The following ZAR1L variants were observed in gnomAD, a reference collection of about 807,000 sequenced individuals.
ZAR1L encodes zygote arrest 1 like.
A neutral mutation model predicts 30.0 loss-of-function variants in ZAR1L; 16 were observed. The ratio of observed to expected loss-of-function variants is 0.53; its 90% confidence interval spans 0.36 to 0.81. The LOEUF (loss-of-function observed/expected upper bound fraction) is 0.81, where lower values mean the gene tolerates loss of function less well. Among genes scored for constraint, ZAR1L ranks in the 30% least tolerant of loss-of-function variants. The pLI is 0.00. For synonymous variants in ZAR1L, 197 were observed against 166.8 expected (o/e 1.18, Z -1.40); for missense variants, 392 against 417.2 (o/e 0.94, Z 0.53).
intron 5 of ZAR1L, 120 bp from the exon 6 acceptor site, chr13:32,304,142 C>T: frequency 9.3e-7 from 1 of 1,073,788 alleles, no homozygotes; most frequent in South Asian, 1.9e-5. Context: ...CCTCTGAGTC[C>T]TACGAGAAGG....
At chr13:32,313,393 T>C (rs367234) in intron 2 of ZAR1L, among the ~76,000 whole-genome samples, 83,173 of 151,930 alleles carry the variant, frequency 0.55, 23,052 homozygotes, top group East Asian at 0.64. Context: ...AAATGGAGTT[T>C]CCTTGCTCTG....
chr13:32,303,958 T>C lies in ZAR1L; in HGVS notation c.887A>G (p.His296Arg). The change falls in exon 6 of 6, where the codon CAT becomes CGT. Residue 296 changes from histidine to arginine, a missense_variant. Physicochemically the swap from His to Arg is conservative, Grantham distance 29 (BLOSUM62 0). Coordinates refer to ENST00000533490, the MANE Select transcript of ZAR1L (RefSeq NM_001136571.2). Reference protein sequence around the residue: ...KKRHIDLRRPHRQELCGRCKD... With the variant: ...KKRHIDLRRPRRQELCGRCKD... ...GCAGCGACCACACAGTTCCTGTCGATGAGGCCTCCTTAGATCAATGTGTCT... is the reference window on the plus strand; with the variant it reads ...GCAGCGACCACACAGTTCCTGTCGACGAGGCCTCCTTAGATCAATGTGTCT... 1 of 1,552,104 alleles carries C rather than the reference T, an allele frequency of 6.4e-7. No homozygotes were observed. Among genetic ancestry groups the C allele is most frequent in the Non-Finnish European group, 8.7e-7 (1 of 1,147,080 alleles).
At chr13:32,313,142 C>A (rs1044941693) in intron 2 of ZAR1L, among the ~76,000 whole-genome samples, 2 of 152,120 alleles carry the variant, frequency 1.3e-5, no homozygotes, top group Non-Finnish European at 2.9e-5. Flanking sequence ...GTCTAGAGAT[C>A]TAATTTACAG....
chr13:32,310,519 G>A, intron 4 of ZAR1L, 120 bp downstream of exon 4: 1 of 703,958 alleles, frequency 1.4e-6, no homozygotes, highest in South Asian at 1.8e-5. Context: ...CTGGCACGGG[G>A]GATGCCACCA....
chr13:32,307,442 T>C (rs984035189), intron 5 of ZAR1L, among the ~76,000 whole-genome samples: 1 of 125,784 alleles, frequency 8.0e-6, no homozygotes, highest in Non-Finnish European at 1.5e-5. Flanking sequence ...GAGCTTGTAG[T>C]GAACCAAGAT....
At position 32,312,004 on chromosome 13, in the gene ZAR1L, G is replaced by T; in HGVS notation, c.-79C>A. The T allele has an allele frequency of 7.1e-7, 1 of 1,411,614 alleles. No individual in the cohort carries two copies. The highest frequency in any genetic ancestry group is 9.4e-7 in the Non-Finnish European group (1 of 1,063,836). 87.4% of individuals were successfully genotyped at this position (1,411,614 alleles called of 1,614,324 possible). On this transcript the variant is annotated 5_prime_UTR_variant, in exon 3 of 6. Coordinates refer to ENST00000533490, the MANE Select transcript of ZAR1L (RefSeq NM_001136571.2). ...CTTATTTTGCCTTCCTCCTTCATCC[G>T]CCCCTTCTTTCTCTTCATCAGGTTG...
In ZAR1L at chr13:32,311,600, G is replaced by A; in HGVS notation, c.326C>T (p.Pro109Leu). ...GGGGGAGCAGCTGCTGAGGGTGCGA[G>A]GCCCCAGAGAGCACTGCACAGCCTT... is the stretch of plus-strand genomic sequence containing the variant. ...VDKAVQCSLG[P>L]RTLSSCSPWD... Residue 109 changes from proline to leucine, a missense_variant, in exon 3 of 6, where the codon CCT (proline) becomes CTT (leucine). Transcript: ENST00000533490. 6.5e-7 allele frequency: 1 copy of A among 1,546,902 alleles called. No homozygotes were observed. Among genetic ancestry groups the A allele is most frequent in the Non-Finnish European group, 8.7e-7 (1 of 1,144,502 alleles).
chr13:32,306,992 A>G (rs1334912975), intron 5 of ZAR1L, among the ~76,000 whole-genome samples: 1 of 151,350 alleles, frequency 6.6e-6, no homozygotes, highest in African/African-American at 2.4e-5. Flanking sequence ...CTCCAGACCA[A>G]TACTATGGAA....
Position 32,311,421 on chromosome 13 carries a change from G to C in ZAR1L, c.505C>G (p.Pro169Ala). Residue 169 changes from proline (P) to alanine (A), a missense_variant, in exon 3 of 6, where the codon CCA becomes GCA. Physicochemically the swap from Pro to Ala is conservative, Grantham distance 27. Coordinates refer to ENST00000533490, the MANE Select transcript of ZAR1L (RefSeq NM_001136571.2). ...CTGTCAGCTCCTGACCTCCGTGATG[G>C]TGGCTGCGGCTGGCTGGCCTCCGCA... is the stretch of plus-strand genomic sequence containing the variant. Reference protein sequence around the residue: ...GPAEASQPQPPSRRSGADRQE... With the variant: ...GPAEASQPQPASRRSGADRQE... The C allele has an allele frequency of 1.3e-6, 2 of 1,549,736 alleles. No homozygotes were observed. Among genetic ancestry groups the C allele is most frequent in the Non-Finnish European group, 1.7e-6 (2 of 1,146,916 alleles).
chr13:32,310,608 C>G (rs2138688760), intron 4 of ZAR1L, 31 bp downstream of exon 4: 6 of 1,421,320 alleles, frequency 4.2e-6, no homozygotes, highest in Non-Finnish European at 4.9e-6. Context: ...CCCACCCCAT[C>G]CTCCTCTCAC....
At chr13:32,305,611 C>G (rs1205815035) in intron 5 of ZAR1L, among the ~76,000 whole-genome samples, 1 of 152,202 alleles carries the variant, frequency 6.6e-6, no homozygotes. Flanking sequence ...TACATGAATT[C>G]ATTTAATTCT....
intron 3 of ZAR1L, 57 bp from the exon 4 acceptor site, chr13:32,310,788 C>T: frequency 8.7e-7 from 1 of 1,152,328 alleles, no homozygotes; most frequent in Middle Eastern, 1.9e-4. Context: ...AAGCCAGATC[C>T]TTCTTTATGA....
Position 32,310,821 on chromosome 13 carries a change from G to T in ZAR1L, c.655-90C>A. 3 of 842,166 alleles carry T rather than the reference G, an allele frequency of 3.6e-6. No individual in the cohort carries two copies. In the Admixed American group the frequency reaches 7.0e-5, roughly 20 times the overall value. 52.2% of individuals were successfully genotyped at this position (842,166 alleles called of 1,614,324 possible). ...TGACTTTGTATAAGGAAAAAAAAAT[G>T]ACTTCTTTAACCTCACTTGTATCTA... is the stretch of plus-strand genomic sequence containing the variant. On this transcript the variant is annotated intron_variant, in intron 3 of 5. Transcript: ENST00000533490.
intron 4 of ZAR1L, 113 bp from the exon 5 acceptor site, chr13:32,308,873 T>C: frequency 1.5e-6 from 1 of 685,234 alleles, no homozygotes; most frequent in East Asian, 2.8e-5. Flanking sequence ...ACTTCTACCC[T>C]TGCCTTGCCT....
intron 1 of ZAR1L, among the ~76,000 whole-genome samples, chr13:32,314,798 G>C (rs1250515853): frequency 6.6e-6 from 1 of 152,160 alleles, no homozygotes; most frequent in Admixed American, 6.5e-5. Flanking sequence ...GTTGCGGTGA[G>C]CGGAGATTGC....
intron 2 of ZAR1L, among the ~76,000 whole-genome samples, chr13:32,312,432 A>G (rs2072220938): frequency 2.0e-5 from 3 of 152,242 alleles, no homozygotes; most frequent in Admixed American, 1.3e-4. Flanking sequence ...AAATGAAATC[A>G]ATATCCTGAA....
At chr13:32,305,656 A>G (rs2072169446) in intron 5 of ZAR1L, among the ~76,000 whole-genome samples, 1 of 152,262 alleles carries the variant, frequency 6.6e-6, no homozygotes, top group Non-Finnish European at 1.5e-5. Flanking sequence ...TCAATAAAAT[A>G]AGGATTTACC....
At chr13:32,311,194 C>G in intron 3 of ZAR1L, 78 bp downstream of exon 3, 2 of 1,433,770 alleles carry the variant, frequency 1.4e-6, no homozygotes, top group Non-Finnish European at 1.8e-6. Context: ...AGATTTTGCT[C>G]TTATTGCCCC....
Position 32,303,801 on chromosome 13 carries a change from C to G in ZAR1L, c.*78G>C. 2.8e-6 allele frequency: 4 copies of G among 1,447,376 alleles called. No individual in the cohort carries two copies. In the South Asian group the frequency reaches 5.6e-5, roughly 20 times the overall value. The allele number at this position is 1,447,376 out of a possible 1,614,324, so 89.7% of individuals were successfully genotyped here. ...GCCATTTTCCGATGCCAGGTCAGAG[C>G]CAAGTTGCAAAAAAGGAAGACAGCA... On this transcript the variant is annotated 3_prime_UTR_variant, in exon 6 of 6. Coordinates refer to ENST00000533490, the MANE Select transcript of ZAR1L (RefSeq NM_001136571.2).
Sources: gnomAD v4.1 joint callset for allele counts (sites outside exome capture counted in the v4.1 genomes callset) on GRCh38, gnomAD v4.1.1 for gene constraint, MANE v1.5 for transcripts, NCBI Gene and HGNC (gene_info 2026-07-23, HGNC 2026-07-21) for gene names.